Variants in GOLGA8K observed in about 807,000 individuals in gnomAD.
GOLGA8K encodes golgin A8 family member K.
Under a neutral mutation model 75.2 loss-of-function variants are expected in GOLGA8K, and 12 were observed. The ratio of observed to expected loss-of-function variants is 0.16; its 90% CI spans 0.10 to 0.26. GOLGA8K has a LOEUF of 0.26. GOLGA8K is among the 10% of genes least tolerant of loss of function. The pLI is 1.00. For synonymous variants in GOLGA8K, 48 were observed against 236.6 expected (o/e 0.20, Z 7.32); for missense variants, 109 against 640.8 (o/e 0.17, Z 8.96).
chr15:32,395,505 G>A (rs1199529287), intron 13 of GOLGA8K, among the ~76,000 whole-genome samples: 22 of 144,294 alleles, frequency 1.5e-4, no homozygotes, highest in South Asian at 2.2e-4. Context: ...TCAGCCTCCC[G>A]AGTAGGTGGA....
chr15:32,397,372 C>A (rs1295418045), intron 9 of GOLGA8K, 45 bp downstream of exon 9: 5 of 1,099,896 alleles, frequency 4.5e-6, no homozygotes, highest in Non-Finnish European at 6.8e-6. Flanking sequence ...CTCCTGGCCA[C>A]CTGGGGTCAT....
intron 13 of GOLGA8K, 87 bp from the exon 14 acceptor site, chr15:32,394,827 G>A: frequency 2.2e-6 from 3 of 1,359,468 alleles, no homozygotes; most frequent in South Asian, 2.5e-5. Context: ...CCTCCCCTGG[G>A]TCTCCTGCAA....
At chr15:32,394,323 TGAGCCA>T (rs2054576518) in intron 14 of GOLGA8K, 90 bp from the exon 15 acceptor site, 3 of 618,716 alleles carry the variant, frequency 4.8e-6, no homozygotes, top group Non-Finnish European at 5.6e-6. Flanking sequence ...TGTGTAACCC[TGAGCCA>T]GCCCCTCCCC....
rs755563000 is a variant in GOLGA8K, at chr15:32,394,142, C to T, written c.1365+3G>A. 35 of 1,052,184 alleles carry T rather than the reference C, an allele frequency of 3.3e-5. 2 individuals are homozygous for T. The highest frequency in any genetic ancestry group is 8.6e-5 in the South Asian group (6 of 69,456). 65.2% of individuals were successfully genotyped at this position (1,052,184 alleles called of 1,614,324 possible). On this transcript the variant is annotated splice_donor_region_variant and intron_variant, in intron 15 of 18. Coordinates refer to ENST00000512626, the MANE Select transcript of GOLGA8K (RefSeq NM_001282493.2). ...AAATGGGTGCAGGGGGAGTCAGGCTCACCATGGCCTCCCTGCTCTCCAGGT... is the reference window on the plus strand; with the variant it reads ...AAATGGGTGCAGGGGGAGTCAGGCTTACCATGGCCTCCCTGCTCTCCAGGT...
In GOLGA8K at chr15:32,391,547, C is replaced by A. The variant is rs1182399689; in HGVS notation, c.*1235G>T. Among the ~76,000 whole-genome samples, 1,688 of 110,874 alleles carry A rather than the reference C, an allele frequency of 0.015. 2 individuals are homozygous for A. The highest frequency in any genetic ancestry group is 0.043 in the African/African-American group (1,599 of 36,930). 72.7% of individuals were successfully genotyped at this position (110,874 alleles called of 152,430 possible). ...ATTATTTTTTAAAGTGTTTTCCATT[C>A]AAGGAAAAAGAAGTAAATTCCTATG... is the stretch of plus-strand genomic sequence containing the variant. On this transcript the variant is annotated 3_prime_UTR_variant, in exon 19 of 19. Transcript: ENST00000512626.
At position 32,393,520 on chromosome 15, in the gene GOLGA8K, C is replaced by A; in HGVS notation, c.1416G>T (p.Val472=). The change falls in exon 16 of 19, where the codon GTG becomes GTT. Residue 472 remains valine, a synonymous_variant. Transcript: ENST00000512626. Reference sequence around the variant, plus strand: ...GGTGGATGAAGCAGAGTTCTTTTTTCACCAGCTCACTCAGGTCTGCCTTCT... The same window carrying A: ...GGTGGATGAAGCAGAGTTCTTTTTTAACCAGCTCACTCAGGTCTGCCTTCT... ...LKEKADLSEL[V]KKELCFIHHW... is the part of the protein sequence containing the mutation. The A allele has an allele frequency of 8.3e-7, 1 of 1,200,404 alleles. No individual in the cohort carries two copies. Among genetic ancestry groups the A allele is most frequent in the Non-Finnish European group, 1.1e-6 (1 of 904,788 alleles). The allele number at this position is 1,200,404 out of a possible 1,614,324, so 74.4% of individuals were successfully genotyped here.
At chr15:32,395,186 C>T (rs1455346749) in intron 13 of GOLGA8K, among the ~76,000 whole-genome samples, 1 of 120,228 alleles carries the variant, frequency 8.3e-6, no homozygotes, top group African/African-American at 2.8e-5. Flanking sequence ...TAAGTGACTG[C>T]CTCCCTTTCC....
chr15:32,395,476 T>C (rs1279361092), intron 13 of GOLGA8K, among the ~76,000 whole-genome samples: 49 of 142,160 alleles, frequency 3.4e-4, no homozygotes, highest in African/African-American at 1.1e-3. Context: ...ACCTCCTGGG[T>C]TGAAGCAATT....
chr15:32,395,867 T>G, intron 13 of GOLGA8K, 96 bp downstream of exon 13: 1 of 1,546,752 alleles, frequency 6.5e-7, no homozygotes, highest in Non-Finnish European at 8.7e-7. Context: ...GCCCCCAGGC[T>G]GGAAGCTGCC....
At position 32,391,484 on chromosome 15, in the gene GOLGA8K, T is replaced by C. The variant is rs1200988500; in HGVS notation, c.*1298A>G. Among the ~76,000 whole-genome samples, 1 of 123,492 alleles carries C rather than the reference T, an allele frequency of 8.1e-6. No homozygotes were observed. Among genetic ancestry groups the C allele is most frequent in the African/African-American group, 2.6e-5 (1 of 38,970 alleles). The allele number at this position is 123,492 out of a possible 152,430, so 81.0% of individuals were successfully genotyped here. A position where few individuals can be genotyped will look rare whatever the true frequency, so the allele number is the denominator to read the frequency against. On this transcript the variant is annotated 3_prime_UTR_variant, in exon 19 of 19. Transcript: ENST00000512626. ...TACTAAAACTCCTTTTTGTTTCAAC[T>C]AAGTATCTCACATATATTAGTTTAT...
rs751934963 is a variant in GOLGA8K, at chr15:32,394,140, C to T, written c.1365+5G>A. On this transcript the variant is annotated splice_donor_5th_base_variant and intron_variant, in intron 15 of 18. Coordinates refer to ENST00000512626, the MANE Select transcript of GOLGA8K (RefSeq NM_001282493.2). ...CAAAATGGGTGCAGGGGGAGTCAGGCTCACCATGGCCTCCCTGCTCTCCAG... is the reference window on the plus strand; with the variant it reads ...CAAAATGGGTGCAGGGGGAGTCAGGTTCACCATGGCCTCCCTGCTCTCCAG... 10 of 1,040,510 alleles carry T rather than the reference C, an allele frequency of 9.6e-6. 1 individual carries two copies. Among genetic ancestry groups the T allele is most frequent in the South Asian group, 2.9e-5 (2 of 69,206 alleles). 64.5% of individuals were successfully genotyped at this position (1,040,510 alleles called of 1,614,324 possible).
At chr15:32,395,903 G>A (rs1279751215) in intron 13 of GOLGA8K, 60 bp downstream of exon 13, 27 of 1,537,632 alleles carry the variant, frequency 1.8e-5, no homozygotes, top group Non-Finnish European at 2.4e-5. Flanking sequence ...CCCCTCCCAA[G>A]AGGCTGCTGC....
Sources: allele counts gnomAD v4.1 joint callset (sites outside exome capture counted in the v4.1 genomes callset), GRCh38; gene constraint gnomAD v4.1.1; transcripts MANE v1.5; gene names NCBI Gene and HGNC (gene_info 2026-07-23, HGNC 2026-07-21).